The following ERCC6 variants were observed in gnomAD, a reference collection of about 807,000 sequenced individuals.
The protein encoded by ERCC6 is ERCC excision repair 6, chromatin remodeling factor.
A neutral mutation model predicts 158.7 loss-of-function variants in ERCC6; 116 were observed. The ratio of observed to expected loss-of-function variants is 0.73; its 90% confidence interval spans 0.63 to 0.85. The LOEUF (loss-of-function observed/expected upper bound fraction) is 0.85. ERCC6 is among the 40% of genes least tolerant of loss of function. The probability of loss-of-function intolerance (pLI) is 0.00; values close to 1 mark genes in which losing one functional copy is unlikely to be tolerated. For synonymous variants in ERCC6, 678 were observed against 659.3 expected (o/e 1.03, Z -0.43); for missense variants, 1,698 against 1,799.4 (o/e 0.94, Z 1.02).
At chr10:49,521,176 T>C (rs1246416642) in intron 5 of ERCC6, among the ~76,000 whole-genome samples, 3 of 152,340 alleles carry the variant, frequency 2.0e-5, no homozygotes, top group African/African-American at 2.4e-5. Flanking sequence ...GATAAAGCTA[T>C]GGAGGCTTAC....
chr10:49,463,521 T>C (rs748200205), intron 18 of ERCC6, among the ~76,000 whole-genome samples: 2 of 152,206 alleles, frequency 1.3e-5, no homozygotes, highest in Non-Finnish European at 2.9e-5. Flanking sequence ...TAATATAGTA[T>C]ACAACCTTTT....
chr10:49,538,366 G>T (rs1837652262), intron 1 of ERCC6, among the ~76,000 whole-genome samples: 1 of 152,226 alleles, frequency 6.6e-6, no homozygotes, highest in African/African-American at 2.4e-5. Context: ...GGCTGATGAT[G>T]GCATGACCTA....
chr10:49,528,339 TAA>T, intron 4 of ERCC6, 76 bp downstream of exon 4: 2 of 1,549,866 alleles, frequency 1.3e-6, no homozygotes, highest in Non-Finnish European at 1.8e-6. Context: ...AGGCAAAGAC[TAA>T]AGAGACACCC....
intron 1 of ERCC6, among the ~76,000 whole-genome samples, chr10:49,535,375 C>T (rs1313664205): frequency 3.9e-5 from 6 of 152,054 alleles, no homozygotes; most frequent in Admixed American, 2.6e-4. Context: ...CTGACAGGTA[C>T]CTAAGGTCAT....
At chr10:49,468,897 A>G (rs1368728626) in intron 18 of ERCC6, among the ~76,000 whole-genome samples, 1 of 152,204 alleles carries the variant, frequency 6.6e-6, no homozygotes, top group Non-Finnish European at 1.5e-5. Flanking sequence ...GGGACAAAGG[A>G]GCCAGCTTGA....
Position 49,532,878 on chromosome 10 carries a change from C to A in ERCC6, c.87G>T (p.Met29Ile), listed in dbSNP as rs750735670. The A allele has an allele frequency of 1.2e-6, 2 of 1,614,224 alleles. No homozygotes were observed. Among genetic ancestry groups the A allele is most frequent in the East Asian group, 4.5e-5 (2 of 44,886 alleles). The change falls in exon 2 of 21, where the codon ATG (methionine) becomes ATT (isoleucine). Residue 29 changes from methionine to isoleucine, a missense_variant. By Grantham distance (10) the Met-to-Ile change is conservative. Transcript: ENST00000355832. ...CACCACCACTTTCTTGCTTGATTGC[C>A]ATTTCTTCATTATTACTGACAGGTT... ...QSQPVSNNEE[M>I]AIKQESGGDG... is the part of the protein sequence containing the mutation.
In ERCC6 at chr10:49,461,465, G is replaced by T. The variant is rs769975274; in HGVS notation, c.3870C>A (p.Ala1290=). The T allele has an allele frequency of 1.2e-6, 2 of 1,614,020 alleles. No individual in the cohort carries two copies. The highest frequency in any genetic ancestry group is 2.7e-5 in the African/African-American group (2 of 74,932). The change falls in exon 19 of 21, where the codon GCC becomes GCA. Residue 1290 remains alanine (A), a synonymous_variant. Transcript: ENST00000355832. ...VLVEAEANRV[A]QDALKALRLS... is the part of the protein sequence containing the mutation. ...GCCTCAGTGCTTTCAGGGCATCCTG[G>T]GCCACTCGGTTGGCTTCTGCCTCCA... is the stretch of plus-strand genomic sequence containing the variant.
At position 49,530,778 on chromosome 10, in the gene ERCC6, G is replaced by A. The variant is rs1447884860; in HGVS notation, c.485C>T (p.Ala162Val). The A allele has an allele frequency of 6.2e-7, 1 of 1,613,614 alleles. No homozygotes were observed. Among genetic ancestry groups the A allele is most frequent in the Admixed American group, 1.7e-5 (1 of 59,998 alleles). ...TTTCCTGTTGATGTCTCTGCTGGTG[G>A]CAGCTTGAGGGCTAAGCTGTTCAAT... is the stretch of plus-strand genomic sequence containing the variant. Reference protein sequence around the residue: ...KIIEQLSPQAATSRDINRKLD... With the variant: ...KIIEQLSPQAVTSRDINRKLD... Residue 162 changes from alanine to valine, a missense_variant, in exon 3 of 21, where the codon GCC becomes GTC. Coordinates refer to ENST00000355832, the MANE Select transcript of ERCC6 (RefSeq NM_000124.4).
At position 49,470,763 on chromosome 10, in the gene ERCC6, GC is replaced by G; in HGVS notation, c.3196del (p.Ala1066ProfsTer15). 1 of 1,614,090 alleles carries G rather than the reference GC, an allele frequency of 6.2e-7. No individual in the cohort carries two copies. Among genetic ancestry groups the G allele is most frequent in the Non-Finnish European group, 8.5e-7 (1 of 1,180,014 alleles). The stretch of plus-strand genomic sequence containing the variant: ...CTCAGATTTCTCTTCAGATGATGTG[GC>G]ATCATTTACAGATATGTTAGAAGCA... The part of the protein sequence containing the change: ...FPASNISVND[A>X]TSSEEKSEAK... On this transcript the variant is annotated frameshift_variant, in exon 18 of 21. Coordinates refer to ENST00000355832, the MANE Select transcript of ERCC6 (RefSeq NM_000124.4). LOFTEE classifies it high-confidence loss of function.
rs1337120750 is a variant in ERCC6 at position 49,470,632 on chromosome 10, C to A, written c.3328G>T (p.Glu1110Ter). The stretch of plus-strand genomic sequence containing the variant: ...TCTGGTCCAGATACTGCATTTGTCT[C>A]TTCTCCAAGCCTATCATTGCTAGTT... ...NVTSNDRLGE[E>*]TNAVSGPEEL... is the part of the protein sequence containing the mutation. The change falls in exon 18 of 21, where the codon GAG becomes TAG. Residue 1110 changes from glutamate to a stop codon, truncating the protein, a stop_gained. Coordinates refer to ENST00000355832, the MANE Select transcript of ERCC6 (RefSeq NM_000124.4). LOFTEE classifies it high-confidence loss of function. 2 of 1,613,546 alleles carry A rather than the reference C, an allele frequency of 1.2e-6. No individual in the cohort carries two copies. The highest frequency in any genetic ancestry group is 1.3e-5 in the African/African-American group (1 of 75,012).
At chr10:49,515,410 T>A in intron 5 of ERCC6, 1 of 1,614,184 alleles carries the variant, frequency 6.2e-7, no homozygotes, top group Non-Finnish European at 8.5e-7. Context: ...GTTGTGTTCT[T>A]ATGACATTCA....
chr10:49,451,715 C>T (rs559896144), downstream of ERCC6, among the ~76,000 whole-genome samples: 1 of 152,136 alleles, frequency 6.6e-6, no homozygotes, highest in Non-Finnish European at 1.5e-5. Flanking sequence ...ACATATTGGT[C>T]TGCAGTTTTC....
At chr10:49,530,882 A>ATT in intron 2 of ERCC6, 42 bp from the exon 3 acceptor site, 1 of 1,607,128 alleles carries the variant, frequency 6.2e-7, no homozygotes, top group South Asian at 1.1e-5. Flanking sequence ...CTCTGATAAC[A>ATT]TTTTTATAGC....
chr10:49,512,358 G>T (rs762994748), intron 5 of ERCC6, among the ~76,000 whole-genome samples: 3 of 152,138 alleles, frequency 2.0e-5, no homozygotes, highest in Non-Finnish European at 4.4e-5. Flanking sequence ...CTGCAATCCT[G>T]ACCTACCTAC....
intron 8 of ERCC6, among the ~76,000 whole-genome samples, chr10:49,488,936 C>T (rs919404796): frequency 6.6e-6 from 1 of 152,108 alleles, no homozygotes; most frequent in Non-Finnish European, 1.5e-5. Context: ...AGGTGCCTGC[C>T]ACCACGCCTG....
At position 49,491,095 on chromosome 10, in the gene ERCC6, C is replaced by T. The variant is rs977652780; in HGVS notation, c.1821+2022G>A. On this transcript the variant is annotated intron_variant, in intron 8 of 20. Transcript: ENST00000355832. ...GGTGCAGAGGAAGCAAATACCCCTT[C>T]AGTAGTTGAATCCAGAAACCAAAGT... is the stretch of plus-strand genomic sequence containing the variant. 5.3e-5 allele frequency among the ~76,000 whole-genome samples: 8 copies of T among 152,182 alleles called. No homozygotes were observed. The South Asian group carries it at 8.3e-4, about 16-fold the overall frequency.
intron 5 of ERCC6, among the ~76,000 whole-genome samples, chr10:49,519,393 A>G (rs1226253203): frequency 1.3e-5 from 2 of 152,224 alleles, no homozygotes; most frequent in Admixed American, 1.3e-4. Flanking sequence ...GAAAATAAAA[A>G]CATAAAAGAG....
At chr10:49,522,580 A>G (rs372905926) in intron 5 of ERCC6, among the ~76,000 whole-genome samples, 1 of 152,254 alleles carries the variant, frequency 6.6e-6, no homozygotes, top group Non-Finnish European at 1.5e-5. Context: ...AATTAACTAA[A>G]CCCACATTTA....
chr10:49,446,324 C>T, the ERCC6 span, among the ~76,000 whole-genome samples: 17 of 152,098 alleles, frequency 1.1e-4, no homozygotes, highest in East Asian at 3.1e-3. Context: ...GCAAGACCTC[C>T]AGCCAGTGCA....
Sources: gnomAD v4.1 joint callset for allele counts (sites outside exome capture counted in the v4.1 genomes callset) on GRCh38, gnomAD v4.1.1 for gene constraint, MANE v1.5 for transcripts, NCBI Gene and HGNC (gene_info 2026-07-23, HGNC 2026-07-21) for gene names.